The following SUSD4 variants were observed in gnomAD, a reference collection of about 807,000 sequenced individuals.
The protein encoded by SUSD4 is sushi domain-containing protein 4.
A neutral mutation model predicts 50.5 loss-of-function variants in SUSD4; 41 were observed. The ratio of observed to expected loss-of-function variants is 0.81; its 90% confidence interval spans 0.63 to 1.05. The LOEUF (loss-of-function observed/expected upper bound fraction) is 1.05, where lower values mean the gene tolerates loss of function less well. Among genes scored for constraint, SUSD4 ranks in the 50% least tolerant of loss-of-function variants. SUSD4 has a pLI of 0.00. For missense variants in SUSD4, 580 were observed against 634.7 expected, an observed-to-expected ratio of 0.91 and a Z score of 0.93; for synonymous variants, 257 against 257.3, an observed-to-expected ratio of 1.00 and a Z score of 0.01.
At chr1:223,273,530 G>C (rs780858095) in intron 3 of SUSD4, among the ~76,000 whole-genome samples, 1 of 152,214 alleles carries the variant, frequency 6.6e-6, no homozygotes, top group Non-Finnish European at 1.5e-5. Flanking sequence ...TATGATGTAT[G>C]GCAGGGGCCT....
chr1:223,285,279 C>T (rs1346875063), intron 3 of SUSD4, among the ~76,000 whole-genome samples: 1 of 152,120 alleles, frequency 6.6e-6, no homozygotes, highest in Non-Finnish European at 1.5e-5. Flanking sequence ...TGGGCAGGAA[C>T]ACCAAGGGAG....
At chr1:223,235,014 T>G in intron 5 of SUSD4, 2 of 1,611,528 alleles carry the variant, frequency 1.2e-6, no homozygotes, top group South Asian at 2.2e-5. Context: ...GGAGAGGACT[T>G]TAACACAGGG....
intron 5 of SUSD4, among the ~76,000 whole-genome samples, chr1:223,236,545 GCTT>G (rs1660232634): frequency 6.7e-6 from 1 of 149,996 alleles, no homozygotes; most frequent in Admixed American, 6.6e-5. Context: ...TCTGTGTCTA[GCTT>G]TTTTTTTTTT....
chr1:223,244,114 A>T (rs1310261788), intron 5 of SUSD4, among the ~76,000 whole-genome samples: 1 of 152,198 alleles, frequency 6.6e-6, no homozygotes, highest in Non-Finnish European at 1.5e-5. Context: ...GCACAATCTC[A>T]CACACACAGG....
intron 2 of SUSD4, among the ~76,000 whole-genome samples, chr1:223,314,437 T>C (rs960264657): frequency 6.6e-6 from 1 of 152,104 alleles, no homozygotes; most frequent in Non-Finnish European, 1.5e-5. Flanking sequence ...GCAGTGATGA[T>C]GCCATGACCC....
At chr1:223,291,753 T>G (rs1315694331) in intron 3 of SUSD4, among the ~76,000 whole-genome samples, 3 of 152,202 alleles carry the variant, frequency 2.0e-5, no homozygotes, top group African/African-American at 7.2e-5. Context: ...TTCTGAGATA[T>G]ATCATCAACA....
chr1:223,352,387 T>C (rs916453448), intron 2 of SUSD4, among the ~76,000 whole-genome samples: 1 of 152,164 alleles, frequency 6.6e-6, no homozygotes, highest in African/African-American at 2.4e-5. Flanking sequence ...GATAGATAAA[T>C]GCCCTGCTAC....
intron 2 of SUSD4, among the ~76,000 whole-genome samples, chr1:223,299,238 T>C (rs546027531): frequency 1.3e-5 from 2 of 152,292 alleles, no homozygotes; most frequent in South Asian, 4.2e-4. Flanking sequence ...TGGACTGGTG[T>C]AGGTGTTAGG....
chr1:223,293,617 G>C (rs1664637440), intron 2 of SUSD4, among the ~76,000 whole-genome samples: 2 of 152,234 alleles, frequency 1.3e-5, no homozygotes, highest in Non-Finnish European at 2.9e-5. Flanking sequence ...TGGGCTGAGA[G>C]CAGTGGAGAC....
intron 2 of SUSD4, among the ~76,000 whole-genome samples, chr1:223,300,361 CT>C (rs1406267344): frequency 6.6e-6 from 1 of 152,208 alleles, no homozygotes; most frequent in African/African-American, 2.4e-5. Flanking sequence ...GAGAGTGCCC[CT>C]CTCTTCTCAT....
chr1:223,294,320 TG>T (rs1285111725), intron 2 of SUSD4, among the ~76,000 whole-genome samples: 1 of 152,182 alleles, frequency 6.6e-6, no homozygotes, highest in Non-Finnish European at 1.5e-5. Flanking sequence ...TAAGTATCAT[TG>T]GGGCTCTTGC....
intron 3 of SUSD4, among the ~76,000 whole-genome samples, chr1:223,276,561 G>C (rs138037113): frequency 7.1e-4 from 108 of 152,318 alleles, no homozygotes; most frequent in African/African-American, 2.5e-3. Flanking sequence ...GACCTGACCT[G>C]ATATTATTTC....
chr1:223,269,962 G>A (rs574448873), intron 3 of SUSD4, among the ~76,000 whole-genome samples: 4 of 152,312 alleles, frequency 2.6e-5, no homozygotes, highest in African/African-American at 9.6e-5. Flanking sequence ...TAGTGGGTGA[G>A]TGGGTGACTC....
chr1:223,307,625 A>T (rs1481001216), intron 2 of SUSD4, among the ~76,000 whole-genome samples: 1 of 152,060 alleles, frequency 6.6e-6, no homozygotes, highest in Non-Finnish European at 1.5e-5. Flanking sequence ...GGGATTGGAG[A>T]TGGGGAGGAA....
chr1:223,266,957 G>A (rs1383487181), intron 4 of SUSD4, among the ~76,000 whole-genome samples: 3 of 152,230 alleles, frequency 2.0e-5, no homozygotes, highest in African/African-American at 7.2e-5. Context: ...TAGAGGGTAG[G>A]GCACAGGCCA....
In SUSD4 at chr1:223,297,752, C is replaced by G. The variant is rs1341655905; in HGVS notation, c.149-5101G>C. Among the ~76,000 whole-genome samples the G allele has an allele frequency of 2.0e-5, 3 of 152,216 alleles. No individual in the cohort carries two copies. The South Asian group carries it at 6.2e-4, about 32-fold the overall frequency. On this transcript the variant is annotated intron_variant, in intron 2 of 8. Transcript: ENST00000366878. ...CTGCTCTACTTAGCGGTCTCCCTCA[C>G]TGGGCTGTGAACTCCTGGAGGGAAA...
At chr1:223,363,209 C>A in intron 2 of SUSD4, 69 bp downstream of exon 2, 1 of 1,426,724 alleles carries the variant, frequency 7.0e-7, no homozygotes. Flanking sequence ...GCAGGGCTGT[C>A]CTGGCAGCTA....
chr1:223,251,560 A>G (rs962550953), intron 5 of SUSD4, among the ~76,000 whole-genome samples: 10 of 152,216 alleles, frequency 6.6e-5, no homozygotes, highest in Non-Finnish European at 1.5e-4. Context: ...TATAAGAAGA[A>G]GAGGCAACAA....
chr1:223,356,485 G>A (rs1337094694), intron 2 of SUSD4, among the ~76,000 whole-genome samples: 2 of 150,904 alleles, frequency 1.3e-5, no homozygotes, highest in Non-Finnish European at 2.9e-5. Context: ...ATCATAGCTC[G>A]CTGCAGCCTC....
Sources: allele counts gnomAD v4.1 joint callset (sites outside exome capture counted in the v4.1 genomes callset), GRCh38; gene constraint gnomAD v4.1.1; transcripts MANE v1.5; gene names NCBI Gene and HGNC (gene_info 2026-07-23, HGNC 2026-07-21).